ANKFN1: variants seen among roughly 807,000 people sequenced by gnomAD.
ANKFN1 encodes the protein ankyrin repeat and fibronectin type III domain containing 1, also known as ankyrin repeat and fibronectin type-III domain-containing protein 1.
A neutral mutation model predicts 108.7 loss-of-function variants in ANKFN1; 74 were observed. The observed-to-expected ratio is 0.68, with a 90% confidence interval of 0.56 to 0.83. ANKFN1 has a LOEUF of 0.83. Among genes scored for constraint, ANKFN1 ranks in the 40% least tolerant of loss-of-function variants. ANKFN1 has a pLI of 0.00. For synonymous variants in ANKFN1, 547 were observed against 516.2 expected, an observed-to-expected ratio of 1.06 and a Z score of -0.81; for missense variants, 1,505 against 1,382.3, an observed-to-expected ratio of 1.09 and a Z score of -1.41.
chr17:56,321,390 C>A (rs538155924), intron 3 of ANKFN1, among the ~76,000 whole-genome samples: 1 of 151,240 alleles, frequency 6.6e-6, no homozygotes, highest in Admixed American at 6.6e-5. Context: ...AGGCTCTTTG[C>A]TGACCACAGT....
At chr17:56,176,770 T>C (rs1031843800) in intron 1 of ANKFN1, among the ~76,000 whole-genome samples, 4 of 152,168 alleles carry the variant, frequency 2.6e-5, no homozygotes, top group African/African-American at 7.2e-5. Flanking sequence ...AGGACAAAGA[T>C]GAAGGTAGAG....
At position 56,510,981 on chromosome 17, in the gene ANKFN1, C is replaced by T. The variant is rs767281503; in HGVS notation, c.3153C>T (p.Ala1051=). The T allele has an allele frequency of 6.1e-5, 93 of 1,536,016 alleles. No homozygotes were observed. Among genetic ancestry groups the T allele is most frequent in the Non-Finnish European group, 8.1e-5 (93 of 1,146,858 alleles). ...GTCTGGCCCAGGAGCCCAAGGAGGC[C>T]AAGCGGGCCGGCCCTGCCCTTGATG... ...ACGLAQEPKE[A]KRAGPALDDP... Residue 1051 remains alanine, a synonymous_variant, in exon 21 of 21, where the codon GCC becomes GCT. Coordinates refer to ENST00000682825, the MANE Select transcript of ANKFN1 (RefSeq NM_001370326.1).
intron 4 of ANKFN1, among the ~76,000 whole-genome samples, chr17:56,121,879 CT>C (rs894700594): frequency 2.6e-5 from 4 of 152,156 alleles, no homozygotes; most frequent in Non-Finnish European, 5.9e-5. Context: ...GACGTGAAGC[CT>C]TTGGTTTCTG....
chr17:56,480,952 C>A, intron 17 of ANKFN1, 134 bp downstream of exon 17: 1 of 1,030,962 alleles, frequency 9.7e-7, no homozygotes, highest in Non-Finnish European at 1.4e-6. Flanking sequence ...CACCACTTTG[C>A]AAGTGCATGC....
intron 3 of ANKFN1, among the ~76,000 whole-genome samples, chr17:56,275,494 A>G (rs1241960830): frequency 6.6e-6 from 1 of 152,180 alleles, no homozygotes; most frequent in Non-Finnish European, 1.5e-5. Context: ...ATTTCAGTAG[A>G]GCCATAAAGG....
chr17:56,080,483 TAA>T (rs902415775), intron 4 of ANKFN1, among the ~76,000 whole-genome samples: 2 of 152,216 alleles, frequency 1.3e-5, no homozygotes, highest in African/African-American at 4.8e-5. Context: ...TCTGTGTAAA[TAA>T]AAGAGAAGCT....
intron 4 of ANKFN1, among the ~76,000 whole-genome samples, chr17:56,100,838 C>A (rs568759488): frequency 3.2e-4 from 49 of 152,296 alleles, no homozygotes; most frequent in Non-Finnish European, 4.0e-4. Flanking sequence ...CAAACTTCAC[C>A]TGTAGTTTGG....
At chr17:56,177,269 G>A (rs1339172842) in intron 1 of ANKFN1, among the ~76,000 whole-genome samples, 2 of 152,212 alleles carry the variant, frequency 1.3e-5, no homozygotes, top group African/African-American at 4.8e-5. Flanking sequence ...GCTTCACGGG[G>A]TCCATGTTTA....
intron 3 of ANKFN1, among the ~76,000 whole-genome samples, chr17:56,304,361 T>A (rs567862070): frequency 1.3e-5 from 2 of 152,322 alleles, no homozygotes; most frequent in East Asian, 3.9e-4. Flanking sequence ...TTCTATGGAA[T>A]TGATGTAAAT....
At chr17:56,200,302 G>A (rs1198570409) in intron 1 of ANKFN1, among the ~76,000 whole-genome samples, 8 of 152,118 alleles carry the variant, frequency 5.3e-5, no homozygotes, top group Non-Finnish European at 8.8e-5. Flanking sequence ...TTTATTATTA[G>A]AAAGAACCAT....
At chr17:56,317,161 A>G (rs1057254161) in intron 3 of ANKFN1, among the ~76,000 whole-genome samples, 14 of 152,172 alleles carry the variant, frequency 9.2e-5, no homozygotes, top group African/African-American at 3.4e-4. Context: ...GCTTCTTGAC[A>G]TCATAACATG....
chr17:56,344,222 T>C (rs1162246195), intron 4 of ANKFN1, among the ~76,000 whole-genome samples: 1 of 152,026 alleles, frequency 6.6e-6, no homozygotes, highest in East Asian at 1.9e-4. Context: ...CTCCCCAGTG[T>C]TCATTGTTGT....
intron 1 of ANKFN1, among the ~76,000 whole-genome samples, chr17:56,207,696 C>G (rs947367767): frequency 1.3e-5 from 2 of 152,160 alleles, no homozygotes; most frequent in African/African-American, 4.8e-5. Flanking sequence ...GGCTCCCTCC[C>G]TTTTCCATAT....
intron 8 of ANKFN1, among the ~76,000 whole-genome samples, chr17:56,390,656 CCCA>C (rs2047400642): frequency 6.6e-6 from 1 of 152,154 alleles, no homozygotes; most frequent in Non-Finnish European, 1.5e-5. Flanking sequence ...AGTTTACAGT[CCCA>C]CCAATAGTGT....
At chr17:56,356,281 C>T (rs1424055087) in intron 6 of ANKFN1, among the ~76,000 whole-genome samples, 2 of 152,144 alleles carry the variant, frequency 1.3e-5, no homozygotes, top group Non-Finnish European at 2.9e-5. Context: ...TTAGTGAAAA[C>T]TCTCTGACCC....
At chr17:56,344,880 G>A (rs1008810747) in intron 4 of ANKFN1, among the ~76,000 whole-genome samples, 32 of 151,806 alleles carry the variant, frequency 2.1e-4, no homozygotes, top group Admixed American at 4.6e-4. Flanking sequence ...GTTTGTTTGC[G>A]TGTTTTTTAA....
chr17:56,131,293 C>T (rs1000124524), intron 4 of ANKFN1, among the ~76,000 whole-genome samples: 3 of 152,156 alleles, frequency 2.0e-5, no homozygotes, highest in Non-Finnish European at 4.4e-5. Context: ...TGTATAGCCT[C>T]AATATGTGTA....
intron 4 of ANKFN1, among the ~76,000 whole-genome samples, chr17:56,134,744 C>T (rs964687124): frequency 6.6e-6 from 1 of 152,096 alleles, no homozygotes; most frequent in African/African-American, 2.4e-5. Flanking sequence ...CTATCCAAAG[C>T]TATAAGCTGA....
At chr17:56,127,756 A>G (rs1222002008) in intron 4 of ANKFN1, among the ~76,000 whole-genome samples, 1 of 152,232 alleles carries the variant, frequency 6.6e-6, no homozygotes, top group Admixed American at 6.5e-5. Flanking sequence ...TCCCTTGTAG[A>G]TACAATTCCA....
Sources: allele counts gnomAD v4.1 joint callset (sites outside exome capture counted in the v4.1 genomes callset), GRCh38; gene constraint gnomAD v4.1.1; transcripts MANE v1.5; gene names NCBI Gene and HGNC (gene_info 2026-07-23, HGNC 2026-07-21).